BRD1: variants seen among roughly 807,000 people sequenced by gnomAD.
BRD1 encodes bromodomain-containing protein 1.
In BRD1, 24 loss-of-function variants were observed where a neutral mutation model predicts 107.7. That is an observed-to-expected ratio of 0.22 (90% CI 0.16 to 0.31). BRD1 has a LOEUF of 0.31. Ranked by LOEUF, BRD1 falls within the 10% of genes least tolerant of loss-of-function variation. The probability of loss-of-function intolerance (pLI) is 1.00; values close to 1 mark genes in which losing one functional copy is unlikely to be tolerated. For missense variants in BRD1, 1,279 were observed against 1,638.6 expected (o/e 0.78, Z 3.79); for synonymous variants, 744 against 686.1 (o/e 1.08, Z -1.32).
intron 7 of BRD1, among the ~76,000 whole-genome samples, chr22:49,791,859 CAATT>C (rs1382414410): frequency 2.0e-5 from 3 of 152,152 alleles, no homozygotes; most frequent in Non-Finnish European, 1.5e-5. Context: ...CCCTTTTCAT[CAATT>C]GAGTCATTGT....
At chr22:49,809,044 G>T (rs9628138) in intron 2 of BRD1, among the ~76,000 whole-genome samples, 1 of 151,404 alleles carries the variant, frequency 6.6e-6, no homozygotes, top group African/African-American at 2.4e-5. Context: ...GCTTGAACCC[G>T]GGAGGAAGAC....
rs771246998 is a variant in BRD1 at position 49,799,016 on chromosome 22, C to T, written c.1628G>A (p.Arg543His). 9.9e-6 allele frequency: 16 copies of T among 1,610,480 alleles called. No individual in the cohort carries two copies. The highest frequency in any genetic ancestry group is 2.2e-5 in the East Asian group (1 of 44,858). Reference sequence around the variant, plus strand: ...CTCACGCTTGAGCTTCTCCCGCTTGCGCAGCAGCTCGATCAGCAGGCGAGC... The same window carrying T: ...CTCACGCTTGAGCTTCTCCCGCTTGTGCAGCAGCTCGATCAGCAGGCGAGC... ...ERARLLIELL[R>H]KREKLKREQV... is the part of the protein sequence containing the mutation. Residue 543 changes from arginine (R) to histidine (H), a missense_variant, in exon 4 of 13, where the codon CGC (arginine) becomes CAC (histidine). Arg to His is a conservative substitution (Grantham distance 29). This residue lies in a region of BRD1 where 406 missense variants were observed against 519.4 expected (regional missense o/e 0.78). Transcript: ENST00000404760.
In BRD1 at chr22:49,823,189, A is replaced by G; in HGVS notation, c.1129T>C (p.Phe377Leu). The G allele has an allele frequency of 6.2e-7, 1 of 1,614,192 alleles. No homozygotes were observed. The highest frequency in any genetic ancestry group is 8.5e-7 in the Non-Finnish European group (1 of 1,180,032). ...CAGTAAGCGGTCTTTCTGACGGAGA[A>G]GGTGGTGCCACCGCCAGTCAGTTCC... ...VKELTGGGTT[F>L]SVRKTAYCDV... is the part of the protein sequence containing the mutation. Residue 377 changes from phenylalanine to leucine, a missense_variant, in exon 2 of 13, where the codon TTC becomes CTC. Physicochemically the swap from Phe to Leu is conservative, Grantham distance 22. Transcript: ENST00000404760.
At chr22:49,816,985 G>A (rs1009251077) in intron 2 of BRD1, among the ~76,000 whole-genome samples, 2 of 152,202 alleles carry the variant, frequency 1.3e-5, no homozygotes, top group Non-Finnish European at 2.9e-5. Flanking sequence ...GAGAACTGCC[G>A]GACCCCATTC....
intron 2 of BRD1, among the ~76,000 whole-genome samples, chr22:49,805,079 CA>C (rs2059714861): frequency 6.6e-6 from 1 of 152,214 alleles, no homozygotes; most frequent in Non-Finnish European, 1.5e-5. Context: ...CACTGGTCCC[CA>C]TGTCACCTCC....
intron 2 of BRD1, among the ~76,000 whole-genome samples, chr22:49,816,904 C>T (rs1049081838): frequency 6.6e-6 from 1 of 152,180 alleles, no homozygotes; most frequent in Non-Finnish European, 1.5e-5. Flanking sequence ...CCTTAGCAGC[C>T]GGCATATACC....
At chr22:49,796,572 G>A (rs60949823) in intron 6 of BRD1, among the ~76,000 whole-genome samples, 2,385 of 151,174 alleles carry the variant, frequency 0.016, 63 homozygotes, top group African/African-American at 0.053. Context: ...TGGCCAGGCC[G>A]GTCTCAATCT....
In BRD1 at chr22:49,787,906, A is replaced by C. The variant is rs2059360935; in HGVS notation, c.2360-19T>G. 1.3e-6 allele frequency: 2 copies of C among 1,484,498 alleles called. No individual in the cohort carries two copies. Among genetic ancestry groups the C allele is most frequent in the African/African-American group, 1.4e-5 (1 of 70,210 alleles). The allele number at this position is 1,484,498 out of a possible 1,614,324, so 92.0% of individuals were successfully genotyped here. On this transcript the variant is annotated intron_variant, in intron 7 of 12. Transcript: ENST00000404760. ...TTATCTCCTGAAAAAATTATAAATA[A>C]AGTGATTTTTGAAAACTGAAGATTA...
At chr22:49,813,973 A>G (rs1223578619) in intron 2 of BRD1, among the ~76,000 whole-genome samples, 1 of 152,166 alleles carries the variant, frequency 6.6e-6, no homozygotes, top group African/African-American at 2.4e-5. Flanking sequence ...GAGTACGATG[A>G]AATGAACAAA....
At position 49,823,717 on chromosome 22, in the gene BRD1, T is replaced by C; in HGVS notation, c.601A>G (p.Asn201Asp). ...DRFEKESHCENQKQGEQQSLI... is the reference protein window; with the variant it reads ...DRFEKESHCEDQKQGEQQSLI... ...GACTGCTGCTCGCCCTGCTTCTGGT[T>C]CTCGCAGTGCGACTCCTTCTCGAAG... Residue 201 changes from asparagine (N) to aspartate (D), a missense_variant, in exon 2 of 13, where the codon AAC becomes GAC. Coordinates refer to ENST00000404760, the MANE Select transcript of BRD1 (RefSeq NM_001304808.3). 6.2e-7 allele frequency: 1 copy of C among 1,614,014 alleles called. No homozygotes were observed. The highest frequency in any genetic ancestry group is 8.5e-7 in the Non-Finnish European group (1 of 1,179,986).
rs111989984 is a variant in BRD1 at position 49,816,328 on chromosome 22, G to A, written c.1367+6623C>T. ...ACTTCACTCCTGCCTGGGCAACAGA[G>A]CAAGACCCCGCCTCAATTAAAAGAA... On this transcript the variant is annotated intron_variant, in intron 2 of 12. Coordinates refer to ENST00000404760, the MANE Select transcript of BRD1 (RefSeq NM_001304808.3). 1.2e-3 allele frequency among the ~76,000 whole-genome samples: 181 copies of A among 152,192 alleles called. 1 individual carries two copies. Among genetic ancestry groups the A allele is most frequent in the African/African-American group, 4.2e-3 (174 of 41,524 alleles).
chr22:49,818,311 A>C (rs966802194), intron 2 of BRD1: 3 of 1,277,176 alleles, frequency 2.3e-6, no homozygotes, highest in African/African-American at 3.0e-5. Context: ...CAAAGGAACC[A>C]AACCGACACA....
At chr22:49,817,647 G>A (rs138872) in intron 2 of BRD1, 36,344 of 225,692 alleles carry the variant, frequency 0.16, 3,767 homozygotes, top group African/African-American at 0.33. Context: ...CAAAGGGACC[G>A]GTACCATCTG....
chr22:49,781,002 G>A (rs79519436), intron 8 of BRD1, among the ~76,000 whole-genome samples: 4,285 of 152,334 alleles, frequency 0.028, 220 homozygotes, highest in African/African-American at 0.098. Flanking sequence ...TTTTCAGCAC[G>A]AGGTTTTTTT....
At position 49,824,000 on chromosome 22, in the gene BRD1, G is replaced by A. The variant is rs566122784; in HGVS notation, c.318C>T (p.Ser106=). Residue 106 remains serine, a synonymous_variant, in exon 2 of 13, where the codon AGC becomes AGT. Transcript: ENST00000404760. ...TGGCCGAGGCCGGCGTGCCGTGGGC[G>A]CTGGGGAGGGCCTCGTTTTTCTTTT... ...RVKKKNEALP[S]AHGTPASASA... 67 of 1,613,908 alleles carry A rather than the reference G, an allele frequency of 4.2e-5. No individual in the cohort carries two copies. In the South Asian group the frequency reaches 5.0e-4, roughly 12 times the overall value.
At chr22:49,775,828 T>TGTGTGAGCCTCCTCAGATCCC (rs2059079303) in intron 11 of BRD1, 83 bp from the exon 12 acceptor site, 22 of 738,626 alleles carry the variant, frequency 3.0e-5, no homozygotes, top group Middle Eastern at 1.1e-3. Flanking sequence ...CCCCCCCGCC[T>TGTGTGAGCCTCCTCAGATCCC]CCCCACCCCA....
rs138847 is a variant in BRD1 at position 49,792,177 on chromosome 22, T to TA, written c.2359+1856dup. 3.5e-3 allele frequency among the ~76,000 whole-genome samples: 513 copies of TA among 146,318 alleles called. 16 individuals carry two copies. The East Asian group carries it at 0.057, about 16-fold the overall frequency. On this transcript the variant is annotated intron_variant, in intron 7 of 12. Coordinates refer to ENST00000404760, the MANE Select transcript of BRD1 (RefSeq NM_001304808.3). The surrounding 1 kb of genome is among the most constrained non-coding windows in gnomAD (Gnocchi z 4.2). ...CAATGGCAATGGAGGAAGCCACTGA[T>TA]AAAAAAAAAAAGCTAAAAAGGTAAC...
At chr22:49,826,092 C>T in intron 1 of BRD1, 1 of 878,420 alleles carries the variant, frequency 1.1e-6, no homozygotes, top group South Asian at 5.2e-5. Context: ...CCTAGTGCAC[C>T]CGGGACGCCG....
At chr22:49,802,715 C>T (rs1207508866) in intron 3 of BRD1, among the ~76,000 whole-genome samples, 2 of 152,154 alleles carry the variant, frequency 1.3e-5, no homozygotes, top group African/African-American at 4.8e-5. Flanking sequence ...ACCAATGCCT[C>T]CAGCCCCCAG....
Sources: allele counts gnomAD v4.1 joint callset (sites outside exome capture counted in the v4.1 genomes callset), GRCh38; gene constraint gnomAD v4.1.1; regional missense constraint gnomAD v4.1.1; non-coding constraint Gnocchi (gnomAD v3.1); transcripts MANE v1.5; gene names NCBI Gene and HGNC (gene_info 2026-07-23, HGNC 2026-07-21).